Variants in SHC3 observed in about 807,000 individuals in gnomAD.
SHC3 encodes SHC adaptor protein 3.
A neutral mutation model predicts 60.4 loss-of-function variants in SHC3; 15 were observed. The ratio of observed to expected loss-of-function variants is 0.25; its 90% CI spans 0.17 to 0.38. The LOEUF (loss-of-function observed/expected upper bound fraction) is 0.38, where lower values mean the gene tolerates loss of function less well. Among genes scored for constraint, SHC3 ranks in the 10% least tolerant of loss-of-function variants. The pLI is 1.00. For missense variants in SHC3, 677 were observed against 786.1 expected, an observed-to-expected ratio of 0.86 and a Z score of 1.66; for synonymous variants, 294 against 325.9, an observed-to-expected ratio of 0.90 and a Z score of 1.05.
At chr9:89,039,430 T>G (rs1433794732) in intron 10 of SHC3, among the ~76,000 whole-genome samples, 1 of 152,200 alleles carries the variant, frequency 6.6e-6, no homozygotes, top group Non-Finnish European at 1.5e-5. Flanking sequence ...TTGGCAAAAA[T>G]TATGTCTGTG....
At chr9:89,096,816 C>T (rs536224232) in intron 2 of SHC3, among the ~76,000 whole-genome samples, 1 of 152,304 alleles carries the variant, frequency 6.6e-6, no homozygotes, top group East Asian at 1.9e-4. Flanking sequence ...CTAAAATGCA[C>T]AGGACAGCTG....
intron 11 of SHC3, among the ~76,000 whole-genome samples, chr9:89,018,622 A>G (rs116371349): frequency 0.067 from 10,222 of 151,940 alleles, 467 homozygotes; most frequent in Non-Finnish European, 0.094. Context: ...ATATCCCAGA[A>G]CTTAAACTGT....
Position 89,178,252 on chromosome 9 carries a change from T to G in SHC3, c.209A>C (p.Lys70Thr). ...GPGSLGHLLH[K>T]VSHLKLSSSG... is the part of the protein sequence containing the mutation. ...GCTGGAGAGTTTCAGGTGGGACACC[T>G]TGTGGAGCAGGTGGCCCAGGCTGCC... is the stretch of plus-strand genomic sequence containing the variant. The change falls in exon 1 of 12, where the codon AAG becomes ACG. Residue 70 changes from lysine (K) to threonine (T), a missense_variant. Physicochemically the swap from Lys to Thr is moderately conservative, Grantham distance 78. Coordinates refer to ENST00000375835, the MANE Select transcript of SHC3 (RefSeq NM_016848.6). The surrounding 1 kb of genome is among the most constrained non-coding windows in gnomAD (Gnocchi z 6.9). 6.5e-7 allele frequency: 1 copy of G among 1,527,946 alleles called. No individual in the cohort carries two copies. Among genetic ancestry groups the G allele is most frequent in the South Asian group, 1.2e-5 (1 of 82,016 alleles). 94.6% of individuals were successfully genotyped at this position (1,527,946 alleles called of 1,614,324 possible).
chr9:89,070,114 C>T (rs1825246789), intron 5 of SHC3, among the ~76,000 whole-genome samples: 1 of 152,084 alleles, frequency 6.6e-6, no homozygotes. Context: ...ACAAAAACAC[C>T]ACCTCTAGGA....
At chr9:89,069,358 A>C (rs1026943348) in intron 5 of SHC3, among the ~76,000 whole-genome samples, 1 of 152,210 alleles carries the variant, frequency 6.6e-6, no homozygotes, top group African/African-American at 2.4e-5. Context: ...CATCTCAATA[A>C]GGACTTTCAT....
chr9:89,103,050 T>C (rs1316223505), intron 2 of SHC3, among the ~76,000 whole-genome samples: 1 of 152,106 alleles, frequency 6.6e-6, no homozygotes, highest in Non-Finnish European at 1.5e-5. Flanking sequence ...ATATGCTGAA[T>C]GGAAGTTGGG....
rs1825968813 is a variant in SHC3, at chr9:89,008,175, T to C, written c.*5272A>G. On this transcript the variant is annotated 3_prime_UTR_variant, in exon 12 of 12. Coordinates refer to ENST00000375835, the MANE Select transcript of SHC3 (RefSeq NM_016848.6). ...TGTGCATTTGTTGCTTGCAAACTTA[T>C]AAATATGTATAAACCCCATTATAAA... 6.6e-6 allele frequency: 1 copy of C among 152,256 alleles called. No homozygotes were observed. The highest frequency in any genetic ancestry group is 2.4e-5 in the African/African-American group (1 of 41,464). 9.4% of individuals were successfully genotyped at this position (152,256 alleles called of 1,614,324 possible). A position where few individuals can be genotyped will look rare whatever the true frequency, so the allele number is the denominator to read the frequency against.
chr9:89,147,176 TAA>T (rs887070449), intron 1 of SHC3, among the ~76,000 whole-genome samples: 6 of 138,132 alleles, frequency 4.3e-5, no homozygotes, highest in African/African-American at 1.6e-4. Context: ...AAAAAAAAAT[TAA>T]AAAAAAAAAG....
rs745863891 is a variant in SHC3, at chr9:89,178,391, T to C, written c.70A>G (p.Ser24Gly). ...CCTCCGCCGCCGCTCACCGACAGGC[T>C]GTGGAGAAGGTCATCGACCGATGTC... ...SVTSVDDLLHSLSVSGGGGKV... is the reference protein window; with the variant it reads ...SVTSVDDLLHGLSVSGGGGKV... Residue 24 changes from serine to glycine, a missense_variant, in exon 1 of 12, where the codon AGC becomes GGC. Coordinates refer to ENST00000375835, the MANE Select transcript of SHC3 (RefSeq NM_016848.6). The surrounding 1 kb of genome is among the most constrained non-coding windows in gnomAD (Gnocchi z 6.9). 4 of 1,566,328 alleles carry C rather than the reference T, an allele frequency of 2.6e-6. No individual in the cohort carries two copies. The highest frequency in any genetic ancestry group is 1.8e-5 in the Admixed American group (1 of 54,460).
At position 89,125,555 on chromosome 9, in the gene SHC3, G is replaced by A. The variant is rs992673192; in HGVS notation, c.475-12929C>T. 2.6e-5 allele frequency among the ~76,000 whole-genome samples: 4 copies of A among 152,112 alleles called. No homozygotes were observed. The East Asian group carries it at 5.8e-4, about 22-fold the overall frequency. On this transcript the variant is annotated intron_variant, in intron 1 of 11. Transcript: ENST00000375835. ...ATGAGGCTGAGACCTAAAGGGCTGC[G>A]TTCCCAGAAGGTTAAGGCTTTCTTA...
chr9:89,127,758 G>T (rs1026908963), intron 1 of SHC3, among the ~76,000 whole-genome samples: 3 of 151,608 alleles, frequency 2.0e-5, no homozygotes, highest in African/African-American at 4.9e-5. Context: ...CACCTAGAAG[G>T]TATGGCAATG....
intron 11 of SHC3, among the ~76,000 whole-genome samples, chr9:89,017,642 C>A (rs1178100260): frequency 2.0e-5 from 3 of 152,144 alleles, no homozygotes; most frequent in African/African-American, 4.8e-5. Flanking sequence ...CCAAAATTGA[C>A]AAATGGGATC....
At chr9:89,055,463 A>G (rs1273898371) in intron 6 of SHC3, among the ~76,000 whole-genome samples, 1 of 152,206 alleles carries the variant, frequency 6.6e-6, no homozygotes, top group Admixed American at 6.5e-5. Flanking sequence ...TCTGGCTGAA[A>G]TCAACCATTT....
intron 1 of SHC3, among the ~76,000 whole-genome samples, chr9:89,134,161 A>C (rs111524476): frequency 1.3e-5 from 2 of 152,246 alleles, no homozygotes; most frequent in African/African-American, 4.8e-5. Context: ...CAGTTCTACA[A>C]TATGCAAGGA....
Position 89,081,897 on chromosome 9 carries a change from C to T in SHC3, c.546-3994G>A, listed in dbSNP as rs563823094. On this transcript the variant is annotated intron_variant, in intron 2 of 11. Transcript: ENST00000375835. The stretch of plus-strand genomic sequence containing the variant: ...GCCTCCTAACCTTTCAGCTGCAGCT[C>T]CTGACCCCTTGGTGAGGTAGGGATG... Among the ~76,000 whole-genome samples the T allele has an allele frequency of 6.4e-4, 98 of 152,262 alleles. 1 individual carries two copies. Among genetic ancestry groups the T allele is most frequent in the African/African-American group, 2.1e-3 (87 of 41,546 alleles).
At chr9:89,072,084 T>C (rs1307261952) in intron 4 of SHC3, among the ~76,000 whole-genome samples, 1 of 152,246 alleles carries the variant, frequency 6.6e-6, no homozygotes, top group Non-Finnish European at 1.5e-5. Context: ...TATACTCTTA[T>C]GTATGGTTTG....
At chr9:89,033,469 T>A (rs919930998) in intron 11 of SHC3, among the ~76,000 whole-genome samples, 1 of 152,316 alleles carries the variant, frequency 6.6e-6, no homozygotes, top group South Asian at 2.1e-4. Flanking sequence ...GGAAGAAGTA[T>A]GAGCTGATTC....
chr9:89,037,541 A>G, intron 11 of SHC3: 1 of 717,092 alleles, frequency 1.4e-6, no homozygotes. Flanking sequence ...ACGGGAAAAC[A>G]AGAGACTTAG....
intron 2 of SHC3, among the ~76,000 whole-genome samples, chr9:89,104,025 A>G (rs1310628374): frequency 6.6e-6 from 1 of 152,208 alleles, no homozygotes; most frequent in Non-Finnish European, 1.5e-5. Context: ...TGAGGATTAT[A>G]AAAATGCACC....
Sources: gnomAD v4.1 joint callset for allele counts (sites outside exome capture counted in the v4.1 genomes callset) on GRCh38, gnomAD v4.1.1 for gene constraint, Gnocchi (gnomAD v3.1) non-coding constraint, MANE v1.5 for transcripts, NCBI Gene and HGNC (gene_info 2026-07-23, HGNC 2026-07-21) for gene names.